WLS: variants seen among roughly 807,000 people sequenced by gnomAD.
WLS encodes Wnt ligand secretion mediator, also known as protein wntless homolog.
In WLS, 23 loss-of-function variants were observed where a neutral mutation model predicts 62.8. That is an observed-to-expected ratio of 0.37 (90% CI 0.26 to 0.52). The LOEUF is 0.52. WLS is among the 20% of genes least tolerant of loss of function. The pLI, the probability that WLS is intolerant of heterozygous loss-of-function variation, is 0.92. For synonymous variants in WLS, 246 were observed against 244.1 expected (o/e 1.01, Z -0.07); for missense variants, 615 against 697.3 (o/e 0.88, Z 1.33).
At chr1:68,181,742 C>A (rs1238352787) in intron 2 of WLS, among the ~76,000 whole-genome samples, 1 of 152,198 alleles carries the variant, frequency 6.6e-6, no homozygotes, top group African/African-American at 2.4e-5. Flanking sequence ...CCACAGAGTT[C>A]AAGCTTTCTC....
At chr1:68,171,522 C>T (rs929704719) in intron 2 of WLS, among the ~76,000 whole-genome samples, 5 of 152,256 alleles carry the variant, frequency 3.3e-5, no homozygotes, top group East Asian at 3.9e-4. Flanking sequence ...ACAGCCACTT[C>T]GCAAAAGAAG....
chr1:68,161,554 C>A (rs1411863214), intron 2 of WLS, among the ~76,000 whole-genome samples: 2 of 152,196 alleles, frequency 1.3e-5, no homozygotes, highest in Admixed American at 1.3e-4. Flanking sequence ...TAATAAATCA[C>A]ATCCTAGTCT....
chr1:68,101,306 CTAT>C (rs372414383), intron 11 of WLS, among the ~76,000 whole-genome samples: 14 of 151,496 alleles, frequency 9.2e-5, no homozygotes, highest in East Asian at 1.9e-4. Context: ...ATCATATTTG[CTAT>C]TATTATTATT....
At chr1:68,123,073 C>A (rs528766655), downstream of WLS, among the ~76,000 whole-genome samples, 1 of 152,278 alleles carries the variant, frequency 6.6e-6, no homozygotes, top group South Asian at 2.1e-4. Flanking sequence ...TTCAGGTTTA[C>A]AAACTTAGTT....
chr1:68,110,701 A>T (rs944667991), intron 11 of WLS, among the ~76,000 whole-genome samples: 4 of 146,618 alleles, frequency 2.7e-5, no homozygotes, highest in Non-Finnish European at 4.5e-5. Context: ...CCATATATAT[A>T]TGTGTGTGTA....
rs1326987421 is a variant in WLS at position 68,150,243 on chromosome 1, A to C, written c.917T>G (p.Ile306Ser). ...MLLFGDIRQG[I>S]FYAMLLSFWI... ...GAAGGACAGAAGCATCGCATAGAAG[A>C]TGCCCTGTCGGATGTCACCAAACAG... The change falls in exon 6 of 12, where the codon ATC becomes AGC. Residue 306 changes from isoleucine (I) to serine (S), a missense_variant. Ile to Ser is a moderately radical substitution (Grantham distance 142). Transcript: ENST00000262348. 6.2e-7 allele frequency: 1 copy of C among 1,614,090 alleles called. No homozygotes were observed. Among genetic ancestry groups the C allele is most frequent in the African/African-American group, 1.3e-5 (1 of 74,938 alleles).
chr1:68,116,735 C>T (rs1646296628), intron 11 of WLS, among the ~76,000 whole-genome samples: 1 of 152,160 alleles, frequency 6.6e-6, no homozygotes, highest in African/African-American at 2.4e-5. Flanking sequence ...TAGAACAGTG[C>T]CTGGTACTTA....
At chr1:68,197,675 C>T (rs968510730) in intron 1 of WLS, among the ~76,000 whole-genome samples, 3 of 152,152 alleles carry the variant, frequency 2.0e-5, no homozygotes, top group Admixed American at 6.6e-5. Flanking sequence ...ATATAGACAG[C>T]ATTATCACGT....
intron 1 of WLS, among the ~76,000 whole-genome samples, chr1:68,195,160 A>G (rs1648591464): frequency 6.6e-6 from 1 of 152,256 alleles, no homozygotes. Flanking sequence ...AAATAGTTAT[A>G]TCATGCATAG....
intron 11 of WLS, among the ~76,000 whole-genome samples, chr1:68,103,754 G>A (rs144127908): frequency 0.017 from 2,615 of 152,232 alleles, 38 homozygotes; most frequent in Non-Finnish European, 0.021. Flanking sequence ...CATCATCCCC[G>A]CCAAGCCTTT....
chr1:68,177,013 G>T (rs1647287200), intron 2 of WLS, among the ~76,000 whole-genome samples: 1 of 152,128 alleles, frequency 6.6e-6, no homozygotes, highest in East Asian at 1.9e-4. Context: ...CACTCCAAGA[G>T]GTTGTCTCCC....
chr1:68,158,112 C>T (rs1411207011), intron 3 of WLS, among the ~76,000 whole-genome samples: 2 of 152,158 alleles, frequency 1.3e-5, no homozygotes, highest in African/African-American at 4.8e-5. Flanking sequence ...GGCAGTGGCT[C>T]TCAAACTTCA....
At chr1:68,171,846 A>C (rs540748155) in intron 2 of WLS, among the ~76,000 whole-genome samples, 1 of 152,356 alleles carries the variant, frequency 6.6e-6, no homozygotes, top group South Asian at 2.1e-4. Context: ...TCATTCTACT[A>C]TAAAGACACA....
At chr1:68,113,940 G>C (rs1646259308) in intron 11 of WLS, among the ~76,000 whole-genome samples, 1 of 152,208 alleles carries the variant, frequency 6.6e-6, no homozygotes, top group South Asian at 2.1e-4. Flanking sequence ...GATCTCCTCA[G>C]AAAGAAACAT....
chr1:68,109,757 A>C (rs1218059225), intron 11 of WLS, among the ~76,000 whole-genome samples: 1 of 152,150 alleles, frequency 6.6e-6, no homozygotes, highest in Non-Finnish European at 1.5e-5. Context: ...TAATATATTG[A>C]ACACATACAG....
chr1:68,134,378 C>G (rs980218168), intron 11 of WLS, among the ~76,000 whole-genome samples: 1 of 152,212 alleles, frequency 6.6e-6, no homozygotes, highest in Non-Finnish European at 1.5e-5. Context: ...GAAGGGCCCA[C>G]AAGCTGCCAG....
chr1:68,141,464 C>T (rs1259252007), intron 10 of WLS: 2 of 152,210 alleles, frequency 1.3e-5, no homozygotes, highest in East Asian at 1.9e-4. Flanking sequence ...TGTACCATCT[C>T]TTGGTTGCTA....
At chr1:68,135,305 C>CTTTTTT (rs71581156) in intron 11 of WLS, among the ~76,000 whole-genome samples, 148 of 66,798 alleles carry the variant, frequency 2.2e-3, no homozygotes, top group Non-Finnish European at 2.4e-3. Context: ...CCATGCCTGG[C>CTTTTTT]TTTTTTTTTT....
At chr1:68,112,691 T>A (rs1646243649) in intron 11 of WLS, among the ~76,000 whole-genome samples, 2 of 152,240 alleles carry the variant, frequency 1.3e-5, no homozygotes, top group Non-Finnish European at 2.9e-5. Flanking sequence ...TACTGAAAAG[T>A]GTCCTTGTAC....
Sources: allele counts gnomAD v4.1 joint callset (sites outside exome capture counted in the v4.1 genomes callset), GRCh38; gene constraint gnomAD v4.1.1; transcripts MANE v1.5; gene names NCBI Gene and HGNC (gene_info 2026-07-23, HGNC 2026-07-21).